TEKTL1: variants seen among roughly 807,000 people sequenced by gnomAD.
TEKTL1 encodes the protein tektin-like protein 1.
the TEKTL1 span, chr19:15,011,446 C>T: frequency 7.4e-7 from 1 of 1,357,254 alleles, no homozygotes; most frequent in Non-Finnish European, 9.6e-7. Context: ...AGACTGAGGC[C>T]TCCGCTATGC....
the TEKTL1 span, chr19:15,020,756 A>C: frequency 9.6e-7 from 1 of 1,044,964 alleles, no homozygotes; most frequent in Non-Finnish European, 1.4e-6. Context: ...TTTCCTGGGA[A>C]ATAGCCCTAG....
chr19:15,020,673 G>C, the TEKTL1 span: 1 of 1,600,744 alleles, frequency 6.2e-7, no homozygotes, highest in Non-Finnish European at 8.5e-7. Flanking sequence ...GGAGTCCACT[G>C]TACTGGGTCG....
chr19:15,023,230 C>A, the TEKTL1 span: 1 of 904,266 alleles, frequency 1.1e-6, no homozygotes, highest in Non-Finnish European at 1.6e-6. Flanking sequence ...TCCCTCCAAG[C>A]ACCCTCTAGG....
At chr19:15,014,714 G>A in the TEKTL1 span, among the ~76,000 whole-genome samples, 2 of 120,700 alleles carry the variant, frequency 1.7e-5, no homozygotes, top group Non-Finnish European at 3.4e-5. Context: ...GACGAGGCAG[G>A]AGACTCAGTG....
chr19:15,023,000 G>T, the TEKTL1 span: 1 of 1,612,956 alleles, frequency 6.2e-7, no homozygotes. Context: ...CGGCAACGTG[G>T]TGCGCCTGCG....
the TEKTL1 span, chr19:15,013,520 T>C: frequency 1.7e-6 from 1 of 599,546 alleles, no homozygotes; most frequent in Non-Finnish European, 2.9e-6. Flanking sequence ...TCTCAAAGAG[T>C]GAGACACCCC....
the TEKTL1 span, chr19:15,023,213 CGCACCCTCCCTCCAA>C: frequency 8.8e-7 from 1 of 1,132,612 alleles, no homozygotes; most frequent in Non-Finnish European, 1.2e-6. Flanking sequence ...TCTCCCCTGA[CGCACCCTCCCTCCAA>C]GCACCCTCTA....
chr19:15,010,783 C>T, the TEKTL1 span: 1 of 1,481,656 alleles, frequency 6.7e-7, no homozygotes, highest in Non-Finnish European at 8.9e-7. Context: ...CCCTTCCGCT[C>T]CGCCTAGGGT....
chr19:15,013,915 T>C, the TEKTL1 span: 1 of 616,248 alleles, frequency 1.6e-6, no homozygotes, highest in East Asian at 2.8e-5. Context: ...TGCATTTTGC[T>C]TTGTGAAATG....
the TEKTL1 span, among the ~76,000 whole-genome samples, chr19:15,016,233 G>A: frequency 2.9e-5 from 4 of 138,926 alleles, no homozygotes; most frequent in Non-Finnish European, 6.0e-5. Context: ...TGCCCAGGCT[G>A]GAGTGCAGTG....
the TEKTL1 span, among the ~76,000 whole-genome samples, chr19:15,012,342 T>C: frequency 1.3e-5 from 2 of 151,956 alleles, no homozygotes; most frequent in Non-Finnish European, 1.5e-5. Flanking sequence ...GGCAGGAGGA[T>C]TGCTTGAGGC....
At chr19:15,023,117 T>C in the TEKTL1 span, 1 of 1,592,740 alleles carries the variant, frequency 6.3e-7, no homozygotes, top group Non-Finnish European at 8.5e-7. Context: ...CGCGGACCCC[T>C]AGTGACCCCA....
the TEKTL1 span, among the ~76,000 whole-genome samples, chr19:15,018,301 C>G: frequency 2.0e-3 from 302 of 152,296 alleles, 3 homozygotes; most frequent in African/African-American, 6.8e-3. Flanking sequence ...TTTCAGTGAG[C>G]CAAGATCGCA....
chr19:15,016,806 C>T, the TEKTL1 span, among the ~76,000 whole-genome samples: 108,858 of 151,996 alleles, frequency 0.72, 39,160 homozygotes, highest in Admixed American at 0.77. Context: ...ATGGAAACAA[C>T]GAGAAATGAT....
the TEKTL1 span, among the ~76,000 whole-genome samples, chr19:15,020,176 T>C: frequency 6.7e-6 from 1 of 150,154 alleles, no homozygotes; most frequent in Non-Finnish European, 1.5e-5. Context: ...GGCATGGTGC[T>C]TTACTCCTGT....
chr19:15,018,650 C>T, the TEKTL1 span, among the ~76,000 whole-genome samples: 1 of 145,520 alleles, frequency 6.9e-6, no homozygotes, highest in African/African-American at 2.5e-5. Flanking sequence ...GATGTCCAGG[C>T]TGCTGTGAGC....
chr19:15,015,047 A>G, the TEKTL1 span, among the ~76,000 whole-genome samples: 1 of 152,288 alleles, frequency 6.6e-6, no homozygotes, highest in Non-Finnish European at 1.5e-5. Flanking sequence ...AAAACTAGCC[A>G]GGCACAGTTG....
chr19:15,018,719 T>TATATATATATATATATATATATATA, the TEKTL1 span, among the ~76,000 whole-genome samples: 1 of 109,674 alleles, frequency 9.1e-6, no homozygotes, highest in African/African-American at 3.3e-5. Context: ...TCTCAAAATA[T>TATATATATATATATATATATATATA]GTATATATAT....
At chr19:15,011,108 C>T in the TEKTL1 span, 1 of 1,561,790 alleles carries the variant, frequency 6.4e-7, no homozygotes, top group Non-Finnish European at 8.6e-7. Context: ...GGGCGTCACG[C>T]TGTGGAAGGG....
Sources: allele counts gnomAD v4.1 joint callset (sites outside exome capture counted in the v4.1 genomes callset), GRCh38; gene constraint gnomAD v4.1.1; transcripts MANE v1.5; gene names NCBI Gene and HGNC (gene_info 2026-07-23, HGNC 2026-07-21).